Variants in RAB27A observed in about 807,000 individuals in gnomAD.
The protein encoded by RAB27A is ras-related protein Rab-27A.
Under a neutral mutation model 20.8 loss-of-function variants are expected in RAB27A, and 17 were observed. The ratio of observed to expected loss-of-function variants is 0.82; its 90% CI spans 0.56 to 1.23. The LOEUF (loss-of-function observed/expected upper bound fraction) is 1.23, where lower values mean the gene tolerates loss of function less well. Ranked by LOEUF, RAB27A falls within the 50% of genes most tolerant of loss-of-function variation. The pLI is 0.00. For synonymous variants in RAB27A, 85 were observed against 92.8 expected, an observed-to-expected ratio of 0.92 and a Z score of 0.48; for missense variants, 277 against 266.7, an observed-to-expected ratio of 1.04 and a Z score of -0.27.
intron 6 of RAB27A, among the ~76,000 whole-genome samples, chr15:55,217,353 T>G (rs778851313): frequency 3.9e-5 from 6 of 151,990 alleles, no homozygotes; most frequent in African/African-American, 1.4e-4. Context: ...AATTAAGACT[T>G]TCTTTCCATA....
Position 55,205,716 on chromosome 15 carries a change from G to A in RAB27A, c.468-11C>T. The A allele has an allele frequency of 1.9e-6, 3 of 1,603,138 alleles. No homozygotes were observed. The highest frequency in any genetic ancestry group is 2.2e-5 in the South Asian group (2 of 90,836). ...TCAAAGTAGGGGATTCTGGAAGACA[G>A]AGACAACTGAGGTAACAACATGTGG... On this transcript the variant is annotated splice_polypyrimidine_tract_variant and intron_variant, in intron 6 of 6. Transcript: ENST00000336787.
intron 1 of RAB27A, among the ~76,000 whole-genome samples, chr15:55,280,932 A>C (rs182705836): frequency 1.0e-3 from 153 of 152,182 alleles, no homozygotes; most frequent in African/African-American, 3.6e-3. Context: ...GTTAGTTCCA[A>C]GTCTTTGCTA....
chr15:55,205,843 A>T, intron 6 of RAB27A, 138 bp from the exon 7 acceptor site: 1 of 794,212 alleles, frequency 1.3e-6, no homozygotes, highest in Non-Finnish European at 2.1e-6. Context: ...AGAGTACATT[A>T]AAAAGTTAAA....
intron 2 of RAB27A, chr15:55,238,306 C>T (rs778323558): frequency 1.3e-5 from 2 of 152,066 alleles, no homozygotes; most frequent in Admixed American, 6.6e-5. Context: ...CTACCCCAAG[C>T]TTCATATCCA....
At chr15:55,258,046 G>A (rs1475976771) in intron 2 of RAB27A, among the ~76,000 whole-genome samples, 3 of 134,480 alleles carry the variant, frequency 2.2e-5, no homozygotes, top group Admixed American at 8.7e-5. Flanking sequence ...CAGCCTGGGC[G>A]ATACAGCGAG....
intron 2 of RAB27A, among the ~76,000 whole-genome samples, chr15:55,311,513 G>A (rs1469452149): frequency 6.6e-6 from 1 of 152,078 alleles, no homozygotes; most frequent in Non-Finnish European, 1.5e-5. Context: ...GGGACGCTGG[G>A]GTAGGGAGGT....
At chr15:55,263,399 G>C (rs1897345454) in intron 2 of RAB27A, among the ~76,000 whole-genome samples, 1 of 151,880 alleles carries the variant, frequency 6.6e-6, no homozygotes, top group Non-Finnish European at 1.5e-5. Flanking sequence ...AGTTACTTGA[G>C]ATGCAGTCAC....
rs767963780 is a variant in RAB27A at position 55,234,787 on chromosome 15, T to G, written c.148A>C (p.Arg50=). The G allele has an allele frequency of 9.9e-6, 16 of 1,609,452 alleles. No individual in the cohort carries two copies. Among genetic ancestry groups the G allele is most frequent in the Middle Eastern group, 1.7e-4 (1 of 6,058 alleles). ...TTVGIDFREK[R]VVYRASGPDG... ...TAGAAGGATATAGAACTTACCACTC[T>G]TTTTTCCCTGAAATCAATGCCCACT... Residue 50 remains arginine (R), a synonymous_variant, in exon 3 of 7, where the codon AGA becomes CGA. Transcript: ENST00000336787.
At chr15:55,209,000 T>C (rs1015272555) in intron 6 of RAB27A, among the ~76,000 whole-genome samples, 4 of 152,212 alleles carry the variant, frequency 2.6e-5, no homozygotes, top group African/African-American at 7.2e-5. Context: ...CAATTGTATC[T>C]GTAAGAAAAT....
intron 3 of RAB27A, among the ~76,000 whole-genome samples, chr15:55,232,373 A>C (rs978338680): frequency 3.3e-5 from 5 of 152,198 alleles, no homozygotes; most frequent in African/African-American, 4.8e-5. Context: ...TAGGGGAAAG[A>C]ATCTGAGTTT....
At position 55,300,359 on chromosome 15, in the gene RAB27A, T is replaced by C. The variant is rs536981979; in HGVS notation, c.-112+13680A>G. ...GAGATCTGTGGTGATGGCAAACAGA[T>C]ACGGTATTCTGAAAGGAAAGACAAA... On this transcript the variant is annotated intron_variant, in intron 2 of 5. Coordinates refer to the RAB27A transcript ENST00000563262. Among the ~76,000 whole-genome samples the C allele has an allele frequency of 3.8e-3, 584 of 152,038 alleles. 2 individuals are homozygous for C. Among genetic ancestry groups the C allele is most frequent in the Admixed American group, 6.4e-3 (98 of 15,256 alleles).
intron 2 of RAB27A, among the ~76,000 whole-genome samples, chr15:55,269,295 T>C (rs1897622414): frequency 6.6e-6 from 1 of 152,246 alleles, no homozygotes. Context: ...CACTCCGGCA[T>C]ACTTCATTTC....
chr15:55,242,299 C>G (rs1486180271), intron 2 of RAB27A, among the ~76,000 whole-genome samples: 1 of 152,162 alleles, frequency 6.6e-6, no homozygotes, highest in Non-Finnish European at 1.5e-5. Flanking sequence ...GGACAAGACT[C>G]ATACCATATA....
At chr15:55,265,844 A>G (rs1897458562) in intron 2 of RAB27A, among the ~76,000 whole-genome samples, 1 of 152,172 alleles carries the variant, frequency 6.6e-6, no homozygotes, top group Admixed American at 6.5e-5. Flanking sequence ...CAGAGGCTGA[A>G]AACATGGGAA....
In RAB27A at chr15:55,234,673, A is replaced by C. The variant is rs1348006161; in HGVS notation, c.153+109T>G. ...ATAACTCACTTTCATATGTACCTTT[A>C]ATTTCAGATCCCAACCTTTGTCCTC... On this transcript the variant is annotated intron_variant, in intron 3 of 6. Transcript: ENST00000336787. 15 of 1,245,038 alleles carry C rather than the reference A, an allele frequency of 1.2e-5. 1 individual carries two copies. Among genetic ancestry groups the C allele is most frequent in the Non-Finnish European group, 1.7e-5 (15 of 859,648 alleles). 77.1% of individuals were successfully genotyped at this position (1,245,038 alleles called of 1,614,324 possible).
intron 6 of RAB27A, among the ~76,000 whole-genome samples, chr15:55,210,621 GT>G (rs1202146992): frequency 1.3e-5 from 2 of 151,798 alleles, no homozygotes; most frequent in Non-Finnish European, 2.9e-5. Context: ...CAGATTATTT[GT>G]TTTTGCTATT....
At position 55,209,882 on chromosome 15, in the gene RAB27A, G is replaced by GTACA. The variant is rs1404704383; in HGVS notation, c.468-4178_468-4177insTGTA. 1.6e-4 allele frequency among the ~76,000 whole-genome samples: 14 copies of GTACA among 86,148 alleles called. 1 individual carries two copies. Among genetic ancestry groups the GTACA allele is most frequent in the South Asian group, 1.0e-3 (3 of 2,932 alleles). 56.5% of individuals were successfully genotyped at this position (86,148 alleles called of 152,430 possible). A position where few individuals can be genotyped will look rare whatever the true frequency, so the allele number is the denominator to read the frequency against. ...TATATACATATATACATATATGTGT[G>GTACA]TGTATACATATATACACATATGTGT... is the stretch of plus-strand genomic sequence containing the variant. On this transcript the variant is annotated intron_variant, in intron 6 of 6. Transcript: ENST00000336787.
intron 2 of RAB27A, among the ~76,000 whole-genome samples, chr15:55,266,736 G>A (rs780863205): frequency 4.1e-4 from 63 of 152,224 alleles, no homozygotes; most frequent in Non-Finnish European, 7.1e-4. Context: ...GGTTAATAAA[G>A]TTGCCCAAGG....
At chr15:55,269,154 T>A (rs2141094077) in intron 2 of RAB27A, among the ~76,000 whole-genome samples, 1 of 152,318 alleles carries the variant, frequency 6.6e-6, no homozygotes, top group East Asian at 1.9e-4. Flanking sequence ...AATTTCTGTT[T>A]TTGAAATCAC....
Sources: gnomAD v4.1 joint callset for allele counts (sites outside exome capture counted in the v4.1 genomes callset) on GRCh38, gnomAD v4.1.1 for gene constraint, MANE v1.5 for transcripts, NCBI Gene and HGNC (gene_info 2026-07-23, HGNC 2026-07-21) for gene names.